Variants in SLC24A2 observed in about 807,000 individuals in gnomAD.
The protein encoded by SLC24A2 is solute carrier family 24 member 2.
In SLC24A2, 36 loss-of-function variants were observed where a neutral mutation model predicts 62.0. That is an observed-to-expected ratio of 0.58 (90% confidence interval 0.44 to 0.77). The LOEUF (loss-of-function observed/expected upper bound fraction) is 0.77. Ranked by LOEUF, SLC24A2 falls within the 30% of genes least tolerant of loss-of-function variation. SLC24A2 has a pLI of 0.00. For missense variants in SLC24A2, 846 were observed against 817.9 expected, an observed-to-expected ratio of 1.03 and a Z score of -0.42; for synonymous variants, 358 against 294.0, an observed-to-expected ratio of 1.22 and a Z score of -2.23.
chr9:19,645,869 G>A (rs563077876), intron 2 of SLC24A2, among the ~76,000 whole-genome samples: 6 of 152,292 alleles, frequency 3.9e-5, no homozygotes, highest in African/African-American at 1.4e-4. Context: ...AAGAAGAAAA[G>A]GATCCCTAGA....
At chr9:20,238,143 G>T in the SLC24A2 span, among the ~76,000 whole-genome samples, 1 of 152,172 alleles carries the variant, frequency 6.6e-6, no homozygotes, top group South Asian at 2.1e-4. Context: ...TGCCTATTCA[G>T]ATTCAACTAC....
the SLC24A2 span, among the ~76,000 whole-genome samples, chr9:20,101,997 T>A: frequency 5.3e-5 from 8 of 152,318 alleles, no homozygotes; most frequent in East Asian, 1.2e-3. Flanking sequence ...GCCTCCTTTA[T>A]ACCGAAGGAC....
At chr9:20,170,455 C>T in the SLC24A2 span, among the ~76,000 whole-genome samples, 4 of 151,920 alleles carry the variant, frequency 2.6e-5, no homozygotes, top group African/African-American at 7.2e-5. Context: ...TGAGCTGAGC[C>T]GATTGGCTAC....
chr9:20,060,957 T>C, the SLC24A2 span, among the ~76,000 whole-genome samples: 5 of 152,228 alleles, frequency 3.3e-5, no homozygotes, highest in East Asian at 9.6e-4. Context: ...CAGAGTAAGA[T>C]ACTTAACTGT....
chr9:19,766,313 C>T (rs556207703), intron 2 of SLC24A2, among the ~76,000 whole-genome samples: 1 of 152,338 alleles, frequency 6.6e-6, no homozygotes, highest in East Asian at 1.9e-4. Context: ...TCGTCAAACT[C>T]ATTCTCTGTC....
the SLC24A2 span, among the ~76,000 whole-genome samples, chr9:20,132,055 G>T: frequency 6.6e-6 from 1 of 152,044 alleles, no homozygotes; most frequent in South Asian, 2.1e-4. Context: ...TACTGTAAAT[G>T]TGGCTATTTT....
At chr9:19,966,864 A>C in the SLC24A2 span, among the ~76,000 whole-genome samples, 1 of 152,198 alleles carries the variant, frequency 6.6e-6, no homozygotes, top group Non-Finnish European at 1.5e-5. Context: ...GAAATTACTA[A>C]GAAAAAGCTG....
chr9:19,615,952 A>T (rs73646347), intron 4 of SLC24A2, among the ~76,000 whole-genome samples: 5,380 of 151,404 alleles, frequency 0.036, 227 homozygotes, highest in African/African-American at 0.099. Context: ...CATTTAGATT[A>T]TTGAGACCTG....
chr9:19,543,334 G>A (rs1345703898), intron 8 of SLC24A2, among the ~76,000 whole-genome samples: 3 of 151,078 alleles, frequency 2.0e-5, no homozygotes, highest in African/African-American at 7.3e-5. Flanking sequence ...TTATTAGTCT[G>A]GCTAGCAGTC....
At chr9:20,120,216 A>G in the SLC24A2 span, among the ~76,000 whole-genome samples, 1 of 152,174 alleles carries the variant, frequency 6.6e-6, no homozygotes, top group African/African-American at 2.4e-5. Flanking sequence ...GGGTAAATGT[A>G]TCAGATTTTT....
the SLC24A2 span, among the ~76,000 whole-genome samples, chr9:19,943,038 T>A: frequency 6.6e-6 from 1 of 152,174 alleles, no homozygotes; most frequent in Non-Finnish European, 1.5e-5. Flanking sequence ...TTGATCTGCA[T>A]GAGGGTCTTA....
chr9:20,136,141 A>G, the SLC24A2 span, among the ~76,000 whole-genome samples: 8 of 152,172 alleles, frequency 5.3e-5, no homozygotes, highest in Admixed American at 5.2e-4. Context: ...GCAACTCAAT[A>G]ACGCTGGTTA....
At chr9:19,817,806 T>G in the SLC24A2 span, among the ~76,000 whole-genome samples, 1 of 152,122 alleles carries the variant, frequency 6.6e-6, no homozygotes. Context: ...CATAGCTCAC[T>G]GCAGCCTCTC....
chr9:20,150,143 C>G, the SLC24A2 span, among the ~76,000 whole-genome samples: 7 of 151,984 alleles, frequency 4.6e-5, no homozygotes, highest in African/African-American at 7.2e-5. Context: ...CGCAACTGAC[C>G]TGCAGGTCAT....
In SLC24A2 at chr9:19,786,563, G is replaced by T. The variant is rs754599679; in HGVS notation, c.304C>A (p.Pro102Thr). Residue 102 changes from proline to threonine, a missense_variant, in exon 2 of 11, where the codon CCT becomes ACT. By Grantham distance (38) the Pro-to-Thr change is conservative. Coordinates refer to ENST00000341998, the MANE Select transcript of SLC24A2 (RefSeq NM_020344.4). This position sits in a 1 kb window ranked among gnomAD's most constrained non-coding sequence, Gnocchi z 5.0. Reference protein sequence around the residue: ...DKILDYTPQPPLSKEGESENS... With the variant: ...DKILDYTPQPTLSKEGESENS... ...TCAGACTCGCCTTCCTTAGAAAGAG[G>T]TGGCTGTGGAGTATAATCCAGAATC... is the stretch of plus-strand genomic sequence containing the variant. The T allele has an allele frequency of 1.7e-5, 27 of 1,614,054 alleles. No homozygotes were observed. Among genetic ancestry groups the T allele is most frequent in the Non-Finnish European group, 2.3e-5 (27 of 1,180,044 alleles).
rs531219724 is a variant in SLC24A2, at chr9:19,580,755, GGTGAGTTTCTACATATTTCT to G, written c.1130-3753_1130-3734del. 1.2e-3 allele frequency among the ~76,000 whole-genome samples: 187 copies of G among 152,216 alleles called. 3 individuals carry two copies. In the South Asian group the frequency reaches 0.015, roughly 12 times the overall value. On this transcript the variant is annotated intron_variant, in intron 5 of 10. Coordinates refer to ENST00000341998, the MANE Select transcript of SLC24A2 (RefSeq NM_020344.4). ...TCACTGTCTCTGCTGGGCGATTTGT[GGTGAGTTTCTACATATTTCT>G]GTGCTTTAGTTTTCCCATCTGTTAA...
the SLC24A2 span, among the ~76,000 whole-genome samples, chr9:20,104,168 G>C: frequency 6.6e-6 from 1 of 152,112 alleles, no homozygotes; most frequent in Admixed American, 6.5e-5. Flanking sequence ...AAAAAGAAAT[G>C]AACAAAGCCT....
At chr9:19,879,026 A>G in the SLC24A2 span, among the ~76,000 whole-genome samples, 1 of 152,176 alleles carries the variant, frequency 6.6e-6, no homozygotes, top group African/African-American at 2.4e-5. Flanking sequence ...CACCACAGGA[A>G]AAAACTCCAT....
chr9:20,087,560 A>G, the SLC24A2 span, among the ~76,000 whole-genome samples: 3 of 152,216 alleles, frequency 2.0e-5, no homozygotes, highest in Non-Finnish European at 4.4e-5. Flanking sequence ...TCTCTCTACC[A>G]TGAAAGCCTG....
Sources: allele counts gnomAD v4.1 joint callset (sites outside exome capture counted in the v4.1 genomes callset), GRCh38; gene constraint gnomAD v4.1.1; non-coding constraint Gnocchi (gnomAD v3.1); transcripts MANE v1.5; gene names NCBI Gene and HGNC (gene_info 2026-07-23, HGNC 2026-07-21).